DCC: variants seen among roughly 807,000 people sequenced by gnomAD.
The protein encoded by DCC is netrin receptor DCC.
In DCC, 58 loss-of-function variants were observed where a neutral mutation model predicts 172.5. The ratio of observed to expected loss-of-function variants is 0.34; its 90% CI spans 0.27 to 0.42. The LOEUF is 0.42. Among genes scored for constraint, DCC ranks in the 10% least tolerant of loss-of-function variants. DCC has a pLI of 1.00. For missense variants in DCC, 1,740 were observed against 1,791.0 expected, an observed-to-expected ratio of 0.97 and a Z score of 0.51; for synonymous variants, 709 against 644.5, an observed-to-expected ratio of 1.10 and a Z score of -1.52.
At chr18:53,086,735 A>G (rs372717027) in intron 7 of DCC, among the ~76,000 whole-genome samples, 13 of 107,330 alleles carry the variant, frequency 1.2e-4, no homozygotes, top group Admixed American at 3.4e-4. Flanking sequence ...ATATCTCCCA[A>G]TGCTATCCCT....
intron 15 of DCC, among the ~76,000 whole-genome samples, chr18:53,373,377 C>A (rs1228102802): frequency 6.6e-6 from 1 of 151,836 alleles, no homozygotes; most frequent in Non-Finnish European, 1.5e-5. Flanking sequence ...GTTTTTATCC[C>A]CTCTCTCTCC....
intron 1 of DCC, among the ~76,000 whole-genome samples, chr18:52,420,533 C>G (rs915851949): frequency 1.3e-5 from 2 of 152,146 alleles, no homozygotes; most frequent in African/African-American, 2.4e-5. Context: ...GGGGGTGACT[C>G]TTAATGATAC....
chr18:52,370,601 A>T (rs1022495334), intron 1 of DCC, among the ~76,000 whole-genome samples: 2 of 152,154 alleles, frequency 1.3e-5, no homozygotes, highest in Admixed American at 1.3e-4. Flanking sequence ...AAGAATAGCT[A>T]ACGGATGCTG....
At chr18:53,049,916 G>A (rs1435158689) in intron 5 of DCC, among the ~76,000 whole-genome samples, 1 of 152,076 alleles carries the variant, frequency 6.6e-6, no homozygotes, top group Admixed American at 6.6e-5. Flanking sequence ...TGCAAATTGA[G>A]GAGCAAGGAA....
At chr18:53,426,273 TTATA>T (rs942077668) in intron 21 of DCC, among the ~76,000 whole-genome samples, 6 of 140,192 alleles carry the variant, frequency 4.3e-5, no homozygotes, top group African/African-American at 1.5e-4. Flanking sequence ...ACATATATAT[TTATA>T]TATTACATAT....
chr18:52,409,965 C>T (rs1986788600), intron 1 of DCC, among the ~76,000 whole-genome samples: 2 of 152,104 alleles, frequency 1.3e-5, no homozygotes, highest in Admixed American at 1.3e-4. Context: ...CTCTCAGTGT[C>T]AAGTGAGTGT....
At chr18:52,873,460 CT>C (rs2039353581) in intron 2 of DCC, among the ~76,000 whole-genome samples, 1 of 152,214 alleles carries the variant, frequency 6.6e-6, no homozygotes, top group Admixed American at 6.5e-5. Flanking sequence ...TATTCCATCC[CT>C]CTTCCATTCA....
At chr18:53,214,724 T>G (rs2055818581) in intron 11 of DCC, among the ~76,000 whole-genome samples, 1 of 152,182 alleles carries the variant, frequency 6.6e-6, no homozygotes, top group East Asian at 1.9e-4. Context: ...ATTTCATTTA[T>G]TTTTCATCCC....
Position 52,710,212 on chromosome 18 carries a change from G to A in DCC, c.92-41842G>A, listed in dbSNP as rs531060370. ...TATTGCCATCCATATGGAAATGGCT[G>A]ATTAAAGTGCAGTATAATCGTAAGA... On this transcript the variant is annotated intron_variant, in intron 1 of 28. Transcript: ENST00000442544. 5.3e-5 allele frequency among the ~76,000 whole-genome samples: 8 copies of A among 152,330 alleles called. No individual in the cohort carries two copies. The East Asian group carries it at 1.2e-3, about 22-fold the overall frequency.
intron 1 of DCC, among the ~76,000 whole-genome samples, chr18:52,596,742 G>A (rs942539712): frequency 1.3e-5 from 2 of 152,208 alleles, no homozygotes; most frequent in African/African-American, 4.8e-5. Context: ...CACTGTCAAT[G>A]AGGTTGCTGG....
At chr18:53,305,830 A>G in intron 13 of DCC, 111 bp downstream of exon 13, 1 of 1,118,378 alleles carries the variant, frequency 8.9e-7, no homozygotes, top group South Asian at 1.2e-5. Context: ...GCATCCAGGC[A>G]GGTGACATCT....
At chr18:52,426,558 T>C (rs569032387) in intron 1 of DCC, among the ~76,000 whole-genome samples, 97 of 151,522 alleles carry the variant, frequency 6.4e-4, no homozygotes, top group Admixed American at 4.7e-3. Context: ...AAATCAATAA[T>C]CACCCCAGCA....
intron 2 of DCC, among the ~76,000 whole-genome samples, chr18:52,863,340 C>T (rs1211895253): frequency 6.6e-6 from 1 of 151,610 alleles, no homozygotes; most frequent in Non-Finnish European, 1.5e-5. Context: ...CAGTGAAAAC[C>T]TAGGAAATAA....
chr18:53,527,608 A>G (rs1027831428), intron 28 of DCC, among the ~76,000 whole-genome samples: 1 of 152,034 alleles, frequency 6.6e-6, no homozygotes, highest in Admixed American at 6.5e-5. Context: ...AGACAGAAAA[A>G]GTTTTACTAA....
chr18:52,777,732 A>G (rs1334103623), intron 2 of DCC, among the ~76,000 whole-genome samples: 7 of 152,090 alleles, frequency 4.6e-5, no homozygotes, highest in Non-Finnish European at 7.4e-5. Flanking sequence ...TCTAGTCCAG[A>G]CTAAAGCAGA....
At chr18:53,210,661 A>G (rs1276897506) in intron 11 of DCC, among the ~76,000 whole-genome samples, 1 of 152,214 alleles carries the variant, frequency 6.6e-6, no homozygotes, top group Non-Finnish European at 1.5e-5. Flanking sequence ...CTGTGTCTAA[A>G]TGCATCTGTA....
At chr18:52,409,770 A>G (rs918172307) in intron 1 of DCC, among the ~76,000 whole-genome samples, 1 of 152,172 alleles carries the variant, frequency 6.6e-6, no homozygotes, top group Non-Finnish European at 1.5e-5. Flanking sequence ...TCAAAGGTGA[A>G]TAATTATTAA....
intron 12 of DCC, among the ~76,000 whole-genome samples, chr18:53,274,606 A>G (rs2056785120): frequency 6.6e-6 from 1 of 152,086 alleles, no homozygotes; most frequent in African/African-American, 2.4e-5. Flanking sequence ...CTAGAATTAG[A>G]TTGGTTTTTT....
At position 53,396,815 on chromosome 18, in the gene DCC, C is replaced by A. The variant is rs140453528; in HGVS notation, c.2689-493C>A. On this transcript the variant is annotated intron_variant, in intron 17 of 28. Coordinates refer to ENST00000442544, the MANE Select transcript of DCC (RefSeq NM_005215.4). ...ACATTAAAACTTATGCCAAAAAAAC[C>A]ACAGATTTTGATTATAAATGAATTA... is the stretch of plus-strand genomic sequence containing the variant. 1.3e-3 allele frequency among the ~76,000 whole-genome samples: 200 copies of A among 152,066 alleles called. 1 individual carries two copies. The highest frequency in any genetic ancestry group is 4.6e-3 in the African/African-American group (192 of 41,490).
Sources: gnomAD v4.1 joint callset for allele counts (sites outside exome capture counted in the v4.1 genomes callset) on GRCh38, gnomAD v4.1.1 for gene constraint, MANE v1.5 for transcripts, NCBI Gene and HGNC (gene_info 2026-07-23, HGNC 2026-07-21) for gene names.